The following ZNF780B variants were observed in gnomAD, a reference collection of about 807,000 sequenced individuals.
The protein encoded by ZNF780B is zinc finger protein 780B.
Under a neutral mutation model 74.1 loss-of-function variants are expected in ZNF780B, and 52 were observed. The ratio of observed to expected loss-of-function variants is 0.70; its 90% CI spans 0.56 to 0.88. The LOEUF (loss-of-function observed/expected upper bound fraction) is 0.88, where lower values mean the gene tolerates loss of function less well. Ranked by LOEUF, ZNF780B falls within the 40% of genes least tolerant of loss-of-function variation. The pLI, the probability that ZNF780B is intolerant of heterozygous loss-of-function variation, is 0.00. For missense variants in ZNF780B, 953 were observed against 1,007.6 expected (o/e 0.95, Z 0.73); for synonymous variants, 315 against 324.3 (o/e 0.97, Z 0.31).
rs1232867218 is a variant in ZNF780B, at chr19:40,035,813, A to G, written c.1046T>C (p.Val349Ala). ...ACCCATATGAATCTTCTGATGTCGA[A>G]CAAGCTTTGTCAGAAGAGTAAAGGC... ...RKAFTLLTKL[V>A]RHQKIHMGEK... The change falls in exon 5 of 5, where the codon GTT becomes GCT. Residue 349 changes from valine (V) to alanine (A), a missense_variant. Coordinates refer to ENST00000434248, the MANE Select transcript of ZNF780B (RefSeq NM_001005851.3). 6.2e-7 allele frequency: 1 copy of G among 1,613,954 alleles called. No individual in the cohort carries two copies. The highest frequency in any genetic ancestry group is 8.5e-7 in the Non-Finnish European group (1 of 1,179,974).
rs552175230 is a variant in ZNF780B, at chr19:40,036,811, T to G, written c.233-185A>C. Among the ~76,000 whole-genome samples the G allele has an allele frequency of 2.6e-5, 4 of 152,306 alleles. No individual in the cohort carries two copies. In the East Asian group the frequency reaches 7.7e-4, roughly 29 times the overall value. On this transcript the variant is annotated intron_variant, in intron 4 of 4. Coordinates refer to ENST00000434248, the MANE Select transcript of ZNF780B (RefSeq NM_001005851.3). The stretch of plus-strand genomic sequence containing the variant: ...TGTGCATAAGGGAACAGGTTAACTT[T>G]GTCAAATTTAGGTGTGAATCAAAAC...
chr19:40,034,437 G>A lies in ZNF780B; in HGVS notation c.2422C>T (p.Pro808Ser), dbSNP rs781502967. 6.2e-7 allele frequency: 1 copy of A among 1,613,938 alleles called. No homozygotes were observed. Among genetic ancestry groups the A allele is most frequent in the Non-Finnish European group, 8.5e-7 (1 of 1,179,978 alleles). ...TGTCCCACATTTCTTACATTCAAAG[G>A]GTTTCTCACCTGTACAAGTTTTTGA... ...LHQKLVQVRN[P>S]LNVRNVGQPS... Residue 808 changes from proline (P) to serine (S), a missense_variant, in exon 5 of 5, where the codon CCT (proline) becomes TCT (serine). Coordinates refer to ENST00000434248, the MANE Select transcript of ZNF780B (RefSeq NM_001005851.3).
At position 40,034,188 on chromosome 19, in the gene ZNF780B, T is replaced by G. The variant is rs1972116689; in HGVS notation, c.*169A>C. 1 of 688,210 alleles carries G rather than the reference T, an allele frequency of 1.5e-6. No individual in the cohort carries two copies. The highest frequency in any genetic ancestry group is 1.8e-5 in the African/African-American group (1 of 55,610). 42.6% of individuals were successfully genotyped at this position (688,210 alleles called of 1,614,324 possible). A position where few individuals can be genotyped will look rare whatever the true frequency, so the allele number is the denominator to read the frequency against. On this transcript the variant is annotated 3_prime_UTR_variant, in exon 5 of 5. Coordinates refer to ENST00000434248, the MANE Select transcript of ZNF780B (RefSeq NM_001005851.3). ...CCCACATTCTTCACATTGATATGGT[T>G]TCTCACCAGTATGAATTCTCTGATG...
intron 3 of ZNF780B, among the ~76,000 whole-genome samples, 152 bp downstream of exon 3, chr19:40,048,518 C>T (rs970721441): frequency 1.3e-5 from 2 of 152,150 alleles, no homozygotes; most frequent in African/African-American, 2.4e-5. Context: ...CAAGGAGGTG[C>T]CTGTTTTCAA....
intron 4 of ZNF780B, among the ~76,000 whole-genome samples, chr19:40,036,910 C>CT (rs112920803): frequency 0.19 from 26,465 of 139,738 alleles, 4,943 homozygotes; most frequent in African/African-American, 0.48. Flanking sequence ...GTGAAGAAAG[C>CT]TTTTTTTTTT....
intron 4 of ZNF780B, 129 bp downstream of exon 4, chr19:40,047,246 T>C (rs1972969546): frequency 1.3e-6 from 1 of 761,418 alleles, no homozygotes; most frequent in Non-Finnish European, 2.3e-6. Flanking sequence ...GGCATTTTTG[T>C]CCAGTGGGGG....
Position 40,036,551 on chromosome 19 carries a change from A to C in ZNF780B, c.308T>G (p.Val103Gly). 6.3e-7 allele frequency: 1 copy of C among 1,585,890 alleles called. No homozygotes were observed. Among genetic ancestry groups the C allele is most frequent in the South Asian group, 1.2e-5 (1 of 85,406 alleles). Residue 103 changes from valine to glycine, a missense_variant, in exon 5 of 5, where the codon GTT becomes GGT. Val to Gly is a moderately radical substitution (Grantham distance 109). Transcript: ENST00000434248. ...DIFEINLPKH[V>G]IKQISKTLGL... Reference sequence around the variant, plus strand: ...AAGTGTTTTACTTATTTGCTTTATAACATGTTTGGGTAAATTTATTTCAAA... The same window carrying C: ...AAGTGTTTTACTTATTTGCTTTATACCATGTTTGGGTAAATTTATTTCAAA...
chr19:40,052,429 T>C (rs988925942), intron 1 of ZNF780B, among the ~76,000 whole-genome samples: 2 of 152,166 alleles, frequency 1.3e-5, no homozygotes, highest in Admixed American at 6.5e-5. Flanking sequence ...TGAAATGATA[T>C]ACTATTTCTC....
intron 4 of ZNF780B, 124 bp downstream of exon 4, chr19:40,047,251 T>C: frequency 3.8e-6 from 3 of 792,170 alleles, no homozygotes; most frequent in Non-Finnish European, 4.3e-6. Flanking sequence ...TTTTGTCCAG[T>C]GGGGGACCTT....
At chr19:40,038,121 G>A (rs1262094725) in intron 4 of ZNF780B, among the ~76,000 whole-genome samples, 2 of 151,624 alleles carry the variant, frequency 1.3e-5, no homozygotes, top group Non-Finnish European at 2.9e-5. Flanking sequence ...GTGTCCATAT[G>A]TTCTCATTGT....
At position 40,029,503 on chromosome 19, in the gene ZNF780B, G is replaced by A. The variant is rs1168153084; in HGVS notation, c.*4854C>T. 1 of 154,758 alleles carries A rather than the reference G, an allele frequency of 6.5e-6. No individual in the cohort carries two copies. Among genetic ancestry groups the A allele is most frequent in the Non-Finnish European group, 1.5e-5 (1 of 68,200 alleles). 9.6% of individuals were successfully genotyped at this position (154,758 alleles called of 1,614,324 possible). A position where few individuals can be genotyped will look rare whatever the true frequency, so the allele number is the denominator to read the frequency against. ...TCAATAAAATACCAAATGCAAACAA[G>A]AGCAGATCATAGAAATGTAAGTTGA... On this transcript the variant is annotated 3_prime_UTR_variant, in exon 5 of 5. Transcript: ENST00000434248.
At position 40,035,702 on chromosome 19, in the gene ZNF780B, T is replaced by A; in HGVS notation, c.1157A>T (p.Glu386Val). The A allele has an allele frequency of 1.2e-6, 2 of 1,614,154 alleles. No homozygotes were observed. Among genetic ancestry groups the A allele is most frequent in the South Asian group, 1.1e-5 (1 of 91,084 alleles). Residue 386 changes from glutamate to valine, a missense_variant, in exon 5 of 5, where the codon GAA becomes GTA. Coordinates refer to ENST00000434248, the MANE Select transcript of ZNF780B (RefSeq NM_001005851.3). ...LNRHKNIHTG[E>V]KPFECKECGK... ...ACATTCTTTACATTCAAATGGTTTTTCACCTGTGTGAATATTCTTATGGCG... is the reference window on the plus strand; with the variant it reads ...ACATTCTTTACATTCAAATGGTTTTACACCTGTGTGAATATTCTTATGGCG...
intron 1 of ZNF780B, among the ~76,000 whole-genome samples, chr19:40,053,003 G>GGAAA (rs1973305110): frequency 6.6e-6 from 1 of 152,024 alleles, no homozygotes; most frequent in South Asian, 2.1e-4. Flanking sequence ...AAACGTACGG[G>GGAAA]GAAAGCTTCA....
At position 40,029,408 on chromosome 19, in the gene ZNF780B, T is replaced by A. The variant is rs954528314; in HGVS notation, c.*4949A>T. ...ATATCTCCAAAAATGGGAGGCAGAT[T>A]AATGTATCATTTCAGCCAGGCCTTA... On this transcript the variant is annotated 3_prime_UTR_variant, in exon 5 of 5. Coordinates refer to ENST00000434248, the MANE Select transcript of ZNF780B (RefSeq NM_001005851.3). 1.9e-4 allele frequency: 29 copies of A among 154,810 alleles called. No individual in the cohort carries two copies. The highest frequency in any genetic ancestry group is 4.1e-4 in the Non-Finnish European group (28 of 68,218). The allele number at this position is 154,810 out of a possible 1,614,324, so 9.6% of individuals were successfully genotyped here.
intron 4 of ZNF780B, 186 bp downstream of exon 4, chr19:40,047,189 C>A: frequency 1.8e-6 from 1 of 547,370 alleles, no homozygotes; most frequent in South Asian, 2.2e-5. Context: ...TGATGAAGTT[C>A]CTTGGGGACA....
chr19:40,050,890 C>T (rs1268602201), intron 1 of ZNF780B, among the ~76,000 whole-genome samples: 3 of 152,210 alleles, frequency 2.0e-5, no homozygotes, highest in Non-Finnish European at 4.4e-5. Context: ...ATTCTGAGTT[C>T]ACCAAAAGCC....
intron 1 of ZNF780B, among the ~76,000 whole-genome samples, chr19:40,053,989 C>A (rs547327767): frequency 2.0e-5 from 3 of 152,322 alleles, no homozygotes; most frequent in African/African-American, 7.2e-5. Context: ...CCTGTCTCTA[C>A]TAAAAATACA....
At position 40,035,650 on chromosome 19, in the gene ZNF780B, G is replaced by A. The variant is rs1972245022; in HGVS notation, c.1209C>T (p.Asn403=). The A allele has an allele frequency of 6.2e-7, 1 of 1,613,736 alleles. No homozygotes were observed. Among genetic ancestry groups the A allele is most frequent in the Non-Finnish European group, 8.5e-7 (1 of 1,179,926 alleles). The change falls in exon 5 of 5, where the codon AAC becomes AAT. Residue 403 remains asparagine, a synonymous_variant. Coordinates refer to ENST00000434248, the MANE Select transcript of ZNF780B (RefSeq NM_001005851.3). ...CATGAATACTCTGGTGTTGAATAAG[G>A]TTTGAACTACGATTAAAGGACTTCC... ...ECGKSFNRSS[N]LIQHQSIHAD... is the part of the protein sequence containing the mutation.
In ZNF780B at chr19:40,034,330, T is replaced by TC; in HGVS notation, c.*26dup. On this transcript the variant is annotated 3_prime_UTR_variant, in exon 5 of 5. Coordinates refer to ENST00000434248, the MANE Select transcript of ZNF780B (RefSeq NM_001005851.3). ...AATTGGTAATGATATTGAAAGGCCT[T>TC]CCCACATTCCTTACATTCAAAGGTT... 1.9e-6 allele frequency: 3 copies of TC among 1,563,836 alleles called. No homozygotes were observed. The highest frequency in any genetic ancestry group is 2.6e-6 in the Non-Finnish European group (3 of 1,148,520).
Sources: allele counts gnomAD v4.1 joint callset (sites outside exome capture counted in the v4.1 genomes callset), GRCh38; gene constraint gnomAD v4.1.1; transcripts MANE v1.5; gene names NCBI Gene and HGNC (gene_info 2026-07-23, HGNC 2026-07-21).